Variants in RIMS2 observed in about 807,000 individuals in gnomAD.
RIMS2 encodes the protein regulating synaptic membrane exocytosis 2.
A neutral mutation model predicts 174.4 loss-of-function variants in RIMS2; 59 were observed. The ratio of observed to expected loss-of-function variants is 0.34; its 90% confidence interval spans 0.27 to 0.42. The LOEUF (loss-of-function observed/expected upper bound fraction) is 0.42. Among genes scored for constraint, RIMS2 ranks in the 10% least tolerant of loss-of-function variants. The probability of loss-of-function intolerance (pLI) is 1.00; values close to 1 mark genes in which losing one functional copy is unlikely to be tolerated. For missense variants in RIMS2, 1,620 were observed against 1,666.3 expected (o/e 0.97, Z 0.48); for synonymous variants, 606 against 572.5 (o/e 1.06, Z -0.84).
chr8:103,956,637 C>T (rs1250665045), intron 14 of RIMS2, among the ~76,000 whole-genome samples: 1 of 152,100 alleles, frequency 6.6e-6, no homozygotes, highest in African/African-American at 2.4e-5. Context: ...AGACCTAAAA[C>T]CATAAAAACC....
intron 19 of RIMS2, among the ~76,000 whole-genome samples, chr8:104,018,023 C>T (rs1051465392): frequency 7.2e-5 from 11 of 151,972 alleles, no homozygotes; most frequent in Admixed American, 2.0e-4. Flanking sequence ...TGCAGTGAGC[C>T]GTGATTGTGC....
intron 19 of RIMS2, among the ~76,000 whole-genome samples, chr8:104,070,960 C>A (rs2097185834): frequency 6.6e-6 from 1 of 152,126 alleles, no homozygotes; most frequent in South Asian, 2.1e-4. Context: ...TAAGATCCCA[C>A]ATACCCATTA....
chr8:104,180,685 T>A (rs1286739073), intron 19 of RIMS2, among the ~76,000 whole-genome samples: 1 of 151,790 alleles, frequency 6.6e-6, no homozygotes, highest in African/African-American at 2.4e-5. Flanking sequence ...CTATGACTCA[T>A]TGCTTTTTAA....
chr8:103,949,124 CAAAAAAAAAAAAAAAAA>C, intron 14 of RIMS2, among the ~76,000 whole-genome samples: 1 of 44,098 alleles, frequency 2.3e-5, no homozygotes, highest in South Asian at 1.2e-3. Flanking sequence ...GAGACTCTGT[CAAAAAAAAAAAAAAAAA>C]AAAAAAGGGA....
intron 19 of RIMS2, chr8:104,094,814 G>T: frequency 1.7e-6 from 1 of 577,530 alleles, no homozygotes; most frequent in Non-Finnish European, 3.0e-6. Flanking sequence ...ATTTCCATTT[G>T]CTTTATTTTC....
chr8:103,693,787 G>A (rs1238774182), intron 1 of RIMS2, among the ~76,000 whole-genome samples: 2 of 152,136 alleles, frequency 1.3e-5, no homozygotes, highest in African/African-American at 2.4e-5. Flanking sequence ...GTTGTGGGCC[G>A]ATTCATTTGG....
At position 103,819,483 on chromosome 8, in the gene RIMS2, A is replaced by C. The variant is rs2098737832; in HGVS notation, c.698+52946A>C. 5.6e-6 allele frequency: 9 copies of C among 1,610,582 alleles called. No homozygotes were observed. In the East Asian group the frequency reaches 2.0e-4, roughly 36 times the overall value. ...AAGACAGGTGGTAGGGAAAAATAAG[A>C]GAAGGGGAAAAAAAAAGAAAGAAAA... On this transcript the variant is annotated intron_variant, in intron 3 of 23. Transcript: ENST00000504942.
chr8:104,003,813 A>G (rs182284123), intron 17 of RIMS2, among the ~76,000 whole-genome samples: 1 of 152,172 alleles, frequency 6.6e-6, no homozygotes, highest in African/African-American at 2.4e-5. Flanking sequence ...AATGGTGATA[A>G]CAAGTTCATT....
chr8:103,906,761 T>C (rs1306648361), intron 4 of RIMS2, among the ~76,000 whole-genome samples: 1 of 152,190 alleles, frequency 6.6e-6, no homozygotes, highest in Admixed American at 6.5e-5. Context: ...CTTCTACTGT[T>C]TTATCTCTAG....
intron 1 of RIMS2, among the ~76,000 whole-genome samples, chr8:103,576,075 T>C (rs983564093): frequency 3.3e-5 from 5 of 152,204 alleles, no homozygotes; most frequent in African/African-American, 1.2e-4. Flanking sequence ...GAAACCCTGC[T>C]ATGTAAGTCA....
At chr8:104,081,198 C>A (rs923064128) in intron 19 of RIMS2, among the ~76,000 whole-genome samples, 1 of 151,938 alleles carries the variant, frequency 6.6e-6, no homozygotes, top group Non-Finnish European at 1.5e-5. Flanking sequence ...ACAAGGCCAA[C>A]AGTCTCCAGG....
chr8:103,699,732 T>C (rs766294293), intron 2 of RIMS2, among the ~76,000 whole-genome samples: 1 of 152,212 alleles, frequency 6.6e-6, no homozygotes, highest in Non-Finnish European at 1.5e-5. Context: ...GCTATAAATG[T>C]TCCCTAAGTA....
intron 1 of RIMS2, among the ~76,000 whole-genome samples, chr8:103,546,125 C>CTT (rs1305562988): frequency 1.3e-5 from 2 of 152,074 alleles, no homozygotes; most frequent in Admixed American, 6.6e-5. Context: ...TGTATGTTGT[C>CTT]TACAAGAGAC....
At chr8:103,942,663 A>G in intron 13 of RIMS2, 110 bp from the exon 16 acceptor site, 1 of 747,364 alleles carries the variant, frequency 1.3e-6, no homozygotes, top group African/African-American at 1.8e-5. Flanking sequence ...CTTGTTTTTC[A>G]TGTAATAGCA....
intron 2 of RIMS2, among the ~76,000 whole-genome samples, chr8:103,727,627 T>C (rs373797605): frequency 1.3e-5 from 2 of 152,160 alleles, no homozygotes; most frequent in African/African-American, 4.8e-5. Flanking sequence ...TGGCAAGAGA[T>C]TGGGATCTAG....
At chr8:104,210,711 C>A (rs560777261) in intron 19 of RIMS2, among the ~76,000 whole-genome samples, 1 of 152,278 alleles carries the variant, frequency 6.6e-6, no homozygotes, top group East Asian at 1.9e-4. Flanking sequence ...CAGGGCCTTT[C>A]CATCTGACTT....
chr8:104,080,085 T>C (rs2097384529), intron 19 of RIMS2, among the ~76,000 whole-genome samples: 2 of 152,044 alleles, frequency 1.3e-5, no homozygotes, highest in Admixed American at 1.3e-4. Context: ...ATAATAATAG[T>C]GGAAAGAATA....
At chr8:103,855,238 ATCT>A (rs917165539) in intron 3 of RIMS2, among the ~76,000 whole-genome samples, 1 of 150,650 alleles carries the variant, frequency 6.6e-6, no homozygotes, top group Middle Eastern at 3.4e-3. Context: ...ACTTATTTGG[ATCT>A]TCTTTTTTTC....
At chr8:104,015,037 G>A in intron 19 of RIMS2, among the ~76,000 whole-genome samples, 1 of 152,102 alleles carries the variant, frequency 6.6e-6, no homozygotes, top group Non-Finnish European at 1.5e-5. Flanking sequence ...TGGAGAACAA[G>A]AAAAAGGTAA....
Sources: gnomAD v4.1 joint callset for allele counts (sites outside exome capture counted in the v4.1 genomes callset) on GRCh38, gnomAD v4.1.1 for gene constraint, MANE v1.5 for transcripts, NCBI Gene and HGNC (gene_info 2026-07-23, HGNC 2026-07-21) for gene names.